Variants in COL28A1 observed in about 807,000 individuals in gnomAD.
COL28A1 encodes the protein collagen type XXVIII alpha 1 chain, also known as collagen alpha-1(XXVIII) chain.
In COL28A1, 161 loss-of-function variants were observed where a neutral mutation model predicts 150.2. The observed-to-expected ratio is 1.07, with a 90% CI of 0.94 to 1.22. The LOEUF (loss-of-function observed/expected upper bound fraction) is 1.22. COL28A1 is among the 50% of genes most tolerant of loss of function. The pLI is 0.00. For synonymous variants in COL28A1, 552 were observed against 469.7 expected (o/e 1.18, Z -2.26); for missense variants, 1,617 against 1,388.3 (o/e 1.16, Z -2.62).
chr7:7,342,632 G>A, the COL28A1 span, among the ~76,000 whole-genome samples: 729 of 151,762 alleles, frequency 4.8e-3, 9 homozygotes, highest in African/African-American at 0.017. Context: ...AATTCCACAT[G>A]CATATTTCAC....
intron 27 of COL28A1, among the ~76,000 whole-genome samples, chr7:7,389,964 C>T (rs960172979): frequency 1.3e-5 from 2 of 152,146 alleles, no homozygotes; most frequent in African/African-American, 4.8e-5. Context: ...TCCTCTCTTC[C>T]TATTTGAATA....
intron 11 of COL28A1, among the ~76,000 whole-genome samples, chr7:7,493,230 A>C (rs937627132): frequency 4.7e-4 from 72 of 152,122 alleles, no homozygotes; most frequent in African/African-American, 1.7e-3. Flanking sequence ...GAAGGCATCT[A>C]AATTATATAT....
chr7:7,472,637 T>A (rs928043919), intron 15 of COL28A1, among the ~76,000 whole-genome samples: 4 of 152,172 alleles, frequency 2.6e-5, no homozygotes, highest in African/African-American at 9.6e-5. Context: ...CCCATCAGAA[T>A]ACCATCATCA....
rs546375636 is a variant in COL28A1, at chr7:7,433,442, T to A, written c.1861-742A>T. The stretch of plus-strand genomic sequence containing the variant: ...CCAGGTCAGGAGTTCAAGACCAGCC[T>A]GGCCAACACGGTGAAACCCCGTCTC... On this transcript the variant is annotated intron_variant, in intron 23 of 34. Coordinates refer to ENST00000399429, the MANE Select transcript of COL28A1 (RefSeq NM_001037763.3). 2.4e-4 allele frequency among the ~76,000 whole-genome samples: 37 copies of A among 152,150 alleles called. No homozygotes were observed. The South Asian group carries it at 7.5e-3, about 31-fold the overall frequency.
At chr7:7,399,824 G>A (rs1424668622) in intron 27 of COL28A1, among the ~76,000 whole-genome samples, 3 of 152,150 alleles carry the variant, frequency 2.0e-5, no homozygotes, top group Non-Finnish European at 4.4e-5. Context: ...AGATAAGGGA[G>A]TAACCGCAAG....
intron 26 of COL28A1, among the ~76,000 whole-genome samples, chr7:7,418,834 C>A (rs1784243136): frequency 6.6e-6 from 1 of 152,068 alleles, no homozygotes; most frequent in African/African-American, 2.4e-5. Flanking sequence ...CTACTAACAT[C>A]TTGGGGGGAT....
At chr7:7,521,845 C>A (rs925607927) in intron 5 of COL28A1, 60 bp downstream of exon 5, 7 of 844,290 alleles carry the variant, frequency 8.3e-6, no homozygotes, top group African/African-American at 8.2e-5. Flanking sequence ...TTTTCAAGAG[C>A]GAGTAGAGCT....
At chr7:7,376,629 G>C (rs892598405) in intron 30 of COL28A1, among the ~76,000 whole-genome samples, 5 of 151,764 alleles carry the variant, frequency 3.3e-5, no homozygotes, top group South Asian at 2.1e-4. Context: ...TGTACAGAAA[G>C]GTAAAATGTA....
intron 13 of COL28A1, among the ~76,000 whole-genome samples, chr7:7,480,516 C>G (rs1583471690): frequency 6.6e-6 from 1 of 151,706 alleles, no homozygotes; most frequent in East Asian, 1.9e-4. Flanking sequence ...CAAACTAAAC[C>G]AAAAGTGCCA....
chr7:7,435,767 C>A (rs970908635), intron 23 of COL28A1, among the ~76,000 whole-genome samples: 1 of 152,112 alleles, frequency 6.6e-6, no homozygotes, highest in African/African-American at 2.4e-5. Context: ...AGTTTCAAAG[C>A]TACGTAACAA....
chr7:7,348,877 G>T, the COL28A1 span, among the ~76,000 whole-genome samples: 1 of 152,036 alleles, frequency 6.6e-6, no homozygotes, highest in African/African-American at 2.4e-5. Flanking sequence ...CCAGTAGCTA[G>T]AACTACAAGC....
chr7:7,454,518 AGGGGGT>A, intron 16 of COL28A1, among the ~76,000 whole-genome samples: 1 of 152,260 alleles, frequency 6.6e-6, no homozygotes, highest in South Asian at 2.1e-4. Context: ...AAAGAAGAAA[AGGGGGT>A]AAGAAAATGA....
At chr7:7,476,015 T>C (rs930330042) in intron 14 of COL28A1, among the ~76,000 whole-genome samples, 14 of 152,310 alleles carry the variant, frequency 9.2e-5, no homozygotes, top group African/African-American at 3.4e-4. Context: ...CTAGTAGAGA[T>C]TTAGGATTCT....
At chr7:7,347,170 G>A in the COL28A1 span, among the ~76,000 whole-genome samples, 1 of 152,030 alleles carries the variant, frequency 6.6e-6, no homozygotes, top group Middle Eastern at 3.4e-3. Context: ...TTAGTATTTG[G>A]CCATACCAGG....
At chr7:7,538,402 A>C (rs1782719074), upstream of COL28A1, among the ~76,000 whole-genome samples, 1 of 152,212 alleles carries the variant, frequency 6.6e-6, no homozygotes, top group Non-Finnish European at 1.5e-5. Context: ...CATTGTTACT[A>C]CTATAAATAG....
chr7:7,505,855 C>T (rs963091123), intron 11 of COL28A1, among the ~76,000 whole-genome samples, 159 bp downstream of exon 11: 1 of 152,178 alleles, frequency 6.6e-6, no homozygotes, highest in African/African-American at 2.4e-5. Flanking sequence ...TTCCTGAATG[C>T]ATTAGGACTT....
chr7:7,454,074 G>T (rs535973151), intron 16 of COL28A1, among the ~76,000 whole-genome samples: 2 of 151,958 alleles, frequency 1.3e-5, no homozygotes, highest in Non-Finnish European at 2.9e-5. Context: ...TTTATACATG[G>T]GTATAAAAAA....
At chr7:7,492,937 A>G (rs1161669041) in intron 11 of COL28A1, among the ~76,000 whole-genome samples, 1 of 149,572 alleles carries the variant, frequency 6.7e-6, no homozygotes, top group African/African-American at 2.4e-5. Context: ...GTTTTTAGCC[A>G]TGGAATTTAT....
At chr7:7,397,316 C>T (rs188260191) in intron 27 of COL28A1, among the ~76,000 whole-genome samples, 109 of 152,274 alleles carry the variant, frequency 7.2e-4, no homozygotes, top group South Asian at 3.7e-3. Context: ...TCTCCTTTTG[C>T]CTCCCTCTTA....
Sources: allele counts gnomAD v4.1 joint callset (sites outside exome capture counted in the v4.1 genomes callset), GRCh38; gene constraint gnomAD v4.1.1; transcripts MANE v1.5; gene names NCBI Gene and HGNC (gene_info 2026-07-23, HGNC 2026-07-21).